Variants in NLN observed in about 807,000 individuals in gnomAD.
The protein encoded by NLN is neurolysin.
A neutral mutation model predicts 79.9 loss-of-function variants in NLN; 64 were observed. The observed-to-expected ratio is 0.80, with a 90% CI of 0.65 to 0.99. NLN has a LOEUF of 0.99. Ranked by LOEUF, NLN falls within the 50% of genes least tolerant of loss-of-function variation. NLN has a pLI of 0.00. For missense variants in NLN, 835 were observed against 858.7 expected, an observed-to-expected ratio of 0.97 and a Z score of 0.34; for synonymous variants, 267 against 296.6, an observed-to-expected ratio of 0.90 and a Z score of 1.02.
chr5:65,757,713 CTTTTTTCT>C (rs1759251666), intron 1 of NLN, among the ~76,000 whole-genome samples: 1 of 151,934 alleles, frequency 6.6e-6, no homozygotes, highest in Admixed American at 6.6e-5. Context: ...TAAACAATTT[CTTTTTTCT>C]TTTTTTCTTT....
intron 9 of NLN, among the ~76,000 whole-genome samples, chr5:65,807,386 T>TA (rs1760437329): frequency 6.6e-6 from 1 of 151,954 alleles, no homozygotes; most frequent in Non-Finnish European, 1.5e-5. Flanking sequence ...ATCATTAGCA[T>TA]TTTTTAACAT....
intron 12 of NLN, among the ~76,000 whole-genome samples, chr5:65,819,433 G>A (rs533177923): frequency 6.6e-6 from 1 of 152,196 alleles, no homozygotes; most frequent in Non-Finnish European, 1.5e-5. Context: ...AGGTCACATA[G>A]CTAAGGATTG....
intron 1 of NLN, among the ~76,000 whole-genome samples, chr5:65,723,434 A>G (rs1372802259): frequency 2.0e-5 from 3 of 152,156 alleles, no homozygotes; most frequent in Admixed American, 6.5e-5. Flanking sequence ...CCAGGCTGCA[A>G]TCGATATAGC....
At chr5:65,819,051 G>A (rs1760735495) in intron 12 of NLN, 3 of 152,150 alleles carry the variant, frequency 2.0e-5, no homozygotes, top group African/African-American at 4.8e-5. Flanking sequence ...GAGTGCCTAA[G>A]TGCCTTATCT....
intron 1 of NLN, among the ~76,000 whole-genome samples, chr5:65,729,307 A>G (rs1473571912): frequency 6.7e-6 from 1 of 148,820 alleles, no homozygotes; most frequent in Non-Finnish European, 1.5e-5. Flanking sequence ...AAGTTAAAGT[A>G]TCAAGAGCTA....
chr5:65,765,109 A>G (rs1393643632), intron 3 of NLN, among the ~76,000 whole-genome samples: 1 of 152,228 alleles, frequency 6.6e-6, no homozygotes, highest in Non-Finnish European at 1.5e-5. Flanking sequence ...ATGGCTGGGC[A>G]TGGTGGCTCA....
At chr5:65,810,978 C>CA (rs1279325468) in intron 11 of NLN, among the ~76,000 whole-genome samples, 27 of 151,520 alleles carry the variant, frequency 1.8e-4, no homozygotes, top group Non-Finnish European at 8.8e-5. Context: ...GACCCTGTCT[C>CA]AAAAAAAATA....
chr5:65,759,379 C>T (rs1050442991), intron 2 of NLN, among the ~76,000 whole-genome samples: 4 of 143,516 alleles, frequency 2.8e-5, no homozygotes, highest in African/African-American at 1.0e-4. Flanking sequence ...GAAATTGAAC[C>T]TATAGGGTGT....
chr5:65,788,064 A>G (rs1175114991), intron 7 of NLN, 54 bp from the exon 8 acceptor site: 2 of 1,552,152 alleles, frequency 1.3e-6, no homozygotes, highest in East Asian at 4.5e-5. Context: ...GGTATTTATG[A>G]GTATGCTTGC....
chr5:65,821,872 A>T (rs1760806974), intron 12 of NLN, among the ~76,000 whole-genome samples: 1 of 152,206 alleles, frequency 6.6e-6, no homozygotes, highest in Admixed American at 6.5e-5. Context: ...GACTAAATTT[A>T]CCTCTGATGG....
At chr5:65,754,371 C>T (rs16894296) in intron 1 of NLN, among the ~76,000 whole-genome samples, 2,800 of 152,248 alleles carry the variant, frequency 0.018, 95 homozygotes, top group African/African-American at 0.065. Context: ...TCTCTCACAG[C>T]ATTCCAAGCA....
intron 1 of NLN, chr5:65,722,669 G>T (rs1397810850): frequency 1.6e-5 from 8 of 506,652 alleles, no homozygotes; most frequent in Non-Finnish European, 2.4e-5. Flanking sequence ...CAGTCAGCGA[G>T]GCTGGTCACA....
chr5:65,784,735 T>C (rs893745759), intron 6 of NLN, among the ~76,000 whole-genome samples: 2 of 152,184 alleles, frequency 1.3e-5, no homozygotes, highest in Non-Finnish European at 2.9e-5. Context: ...ATTGAGAATA[T>C]GTTTATATTT....
chr5:65,740,905 G>T lies in NLN; in HGVS notation c.42-17662G>T, dbSNP rs189955753. The T allele has an allele frequency of 2.4e-3, 323 of 136,548 alleles. 6 individuals carry two copies. The highest frequency in any genetic ancestry group is 1.6e-3 in the South Asian group (7 of 4,472). The allele number at this position is 136,548 out of a possible 1,614,324, so 8.5% of individuals were successfully genotyped here. A position where few individuals can be genotyped will look rare whatever the true frequency, so the allele number is the denominator to read the frequency against. On this transcript the variant is annotated intron_variant, in intron 1 of 12. Transcript: ENST00000380985. The stretch of plus-strand genomic sequence containing the variant: ...TTTTTTTTTCTTGAGATGGAGTCTC[G>T]CTCTGTTGCCTAGGCTGGTGTGCAG...
chr5:65,747,411 A>C (rs558773532), intron 1 of NLN, among the ~76,000 whole-genome samples: 1 of 152,192 alleles, frequency 6.6e-6, no homozygotes, highest in Non-Finnish European at 1.5e-5. Flanking sequence ...AGAGCCTGCT[A>C]TGAGAATAGA....
At chr5:65,815,045 A>G (rs1760639780) in intron 12 of NLN, among the ~76,000 whole-genome samples, 1 of 152,190 alleles carries the variant, frequency 6.6e-6, no homozygotes, top group Non-Finnish European at 1.5e-5. Context: ...ATTATTTTAG[A>G]AGCCAGAAAC....
intron 12 of NLN, among the ~76,000 whole-genome samples, chr5:65,821,838 A>G (rs1760806254): frequency 6.6e-6 from 1 of 152,188 alleles, no homozygotes; most frequent in African/African-American, 2.4e-5. Context: ...GATTTCATCC[A>G]TGTTTTATTT....
intron 1 of NLN, among the ~76,000 whole-genome samples, chr5:65,736,394 T>C (rs1758728595): frequency 1.3e-5 from 2 of 152,266 alleles, no homozygotes; most frequent in South Asian, 4.1e-4. Context: ...ATTCTTATAA[T>C]GTCTCCTGAT....
At chr5:65,785,039 A>G (rs764106645) in intron 6 of NLN, among the ~76,000 whole-genome samples, 2 of 152,198 alleles carry the variant, frequency 1.3e-5, no homozygotes, top group Admixed American at 6.6e-5. Flanking sequence ...ATTCCATTGT[A>G]TATATATACC....
Sources: gnomAD v4.1 joint callset for allele counts (sites outside exome capture counted in the v4.1 genomes callset) on GRCh38, gnomAD v4.1.1 for gene constraint, MANE v1.5 for transcripts, NCBI Gene and HGNC (gene_info 2026-07-23, HGNC 2026-07-21) for gene names.